Variants in XXYLT1 observed in about 807,000 individuals in gnomAD.
XXYLT1 encodes UDP-xylose:alpha-xyloside alpha-1,3-xylosyltransferase.
In XXYLT1, 20 loss-of-function variants were observed where a neutral mutation model predicts 28.9. The ratio of observed to expected loss-of-function variants is 0.69; its 90% CI spans 0.49 to 1.00. The LOEUF is 1.00. Among genes scored for constraint, XXYLT1 ranks in the 50% least tolerant of loss-of-function variants. The pLI is 0.00. For missense variants in XXYLT1, 542 were observed against 560.1 expected (o/e 0.97, Z 0.33); for synonymous variants, 257 against 253.8 (o/e 1.01, Z -0.12).
At chr3:195,270,515 T>C in intron 1 of XXYLT1, 40 bp downstream of exon 1, 1 of 1,359,052 alleles carries the variant, frequency 7.4e-7, no homozygotes, top group Non-Finnish European at 9.4e-7. Context: ...TAGGATGGGG[T>C]GGGCCACCCA....
Position 195,114,375 on chromosome 3 carries a change from G to T in XXYLT1, c.785+42074C>A, listed in dbSNP as rs750345883. 6.0e-4 allele frequency among the ~76,000 whole-genome samples: 92 copies of T among 152,298 alleles called. No individual in the cohort carries two copies. The Middle Eastern group carries it at 0.01, about 17-fold the overall frequency. On this transcript the variant is annotated intron_variant, in intron 3 of 3. Transcript: ENST00000310380. ...ACTGCCTGGAGAGCCGGGAGACACGGAGCATCACCTTCCACCTGCGTTGAG... is the reference window on the plus strand; with the variant it reads ...ACTGCCTGGAGAGCCGGGAGACACGTAGCATCACCTTCCACCTGCGTTGAG...
chr3:195,110,332 T>TCTGTACGTG (rs1717527624), intron 3 of XXYLT1, among the ~76,000 whole-genome samples: 2 of 8,282 alleles, frequency 2.4e-4, no homozygotes. Flanking sequence ...GGGTGAGGTG[T>TCTGTACGTG]GTGTATGTGT....
intron 2 of XXYLT1, 25 bp from the exon 3 acceptor site, chr3:195,156,606 G>A: frequency 6.2e-6 from 10 of 1,613,302 alleles, no homozygotes; most frequent in Non-Finnish European, 7.6e-6. Flanking sequence ...AAAGGACAAT[G>A]AGACACAGGT....
At chr3:195,103,464 C>CCA in intron 3 of XXYLT1, among the ~76,000 whole-genome samples, 2 of 152,288 alleles carry the variant, frequency 1.3e-5, no homozygotes, top group East Asian at 1.9e-4. Flanking sequence ...GCGTCCATCT[C>CCA]TTCTGCATTT....
At chr3:195,141,883 A>G (rs1331632044) in intron 3 of XXYLT1, among the ~76,000 whole-genome samples, 1 of 152,246 alleles carries the variant, frequency 6.6e-6, no homozygotes, top group African/African-American at 2.4e-5. Flanking sequence ...CACTCACTCC[A>G]TGGCTAATGC....
At chr3:195,239,285 T>C (rs1160473915) in intron 1 of XXYLT1, among the ~76,000 whole-genome samples, 3 of 152,150 alleles carry the variant, frequency 2.0e-5, no homozygotes, top group African/African-American at 7.2e-5. Flanking sequence ...GCACCTGTCA[T>C]ACTCTGGGGT....
intron 3 of XXYLT1, among the ~76,000 whole-genome samples, chr3:195,122,944 G>A (rs77359906): frequency 0.034 from 5,201 of 152,198 alleles, 132 homozygotes; most frequent in Middle Eastern, 0.12. Flanking sequence ...CCAGGAGCCC[G>A]GGCACTGGCC....
chr3:195,099,035 C>T (rs1200305235), intron 3 of XXYLT1, among the ~76,000 whole-genome samples: 1 of 152,180 alleles, frequency 6.6e-6, no homozygotes, highest in African/African-American at 2.4e-5. Flanking sequence ...TATTTACTTT[C>T]CAAAGCTGTG....
Position 195,168,305 on chromosome 3 carries a change from C to T in XXYLT1, c.653-11724G>A, listed in dbSNP as rs1721229332. Among the ~76,000 whole-genome samples the T allele has an allele frequency of 6.6e-6, 1 of 152,138 alleles. No individual in the cohort carries two copies. The highest frequency in any genetic ancestry group is 6.5e-5 in the Admixed American group (1 of 15,282). On this transcript the variant is annotated intron_variant, in intron 2 of 3. Coordinates refer to ENST00000310380, the MANE Select transcript of XXYLT1 (RefSeq NM_152531.5). The surrounding 1 kb of genome is among the most constrained non-coding windows in gnomAD (Gnocchi z 4.3). ...TACCTTGTTTGTTCTCAGAACAGCA[C>T]AAATATATCATCAGACACAGGAGAT...
intron 1 of XXYLT1, among the ~76,000 whole-genome samples, chr3:195,261,007 G>C (rs1725680932): frequency 6.6e-6 from 1 of 152,254 alleles, no homozygotes; most frequent in Non-Finnish European, 1.5e-5. Flanking sequence ...AGAGCTGCTA[G>C]CGGGGTCCTG....
At chr3:195,084,478 C>A (rs1298833551) in intron 3 of XXYLT1, among the ~76,000 whole-genome samples, 2 of 152,176 alleles carry the variant, frequency 1.3e-5, no homozygotes, top group Non-Finnish European at 2.9e-5. Context: ...TAAAGTCCAC[C>A]CTCGCTAGGG....
At position 195,068,525 on chromosome 3, in the gene XXYLT1, G is replaced by A. The variant is rs1714627585; in HGVS notation, c.*1190C>T. ...GAAACTAGAATGCTTACTAGCCCAT[G>A]AGTGACATGTCTTCCAAGCCCACAT... is the stretch of plus-strand genomic sequence containing the variant. On this transcript the variant is annotated 3_prime_UTR_variant, in exon 4 of 4. Coordinates refer to ENST00000310380, the MANE Select transcript of XXYLT1 (RefSeq NM_152531.5). 2 of 151,748 alleles carry A rather than the reference G, an allele frequency of 1.3e-5. No individual in the cohort carries two copies. Among genetic ancestry groups the A allele is most frequent in the Non-Finnish European group, 2.9e-5 (2 of 68,000 alleles). The allele number at this position is 151,748 out of a possible 1,614,324, so 9.4% of individuals were successfully genotyped here.
Position 195,070,055 on chromosome 3 carries a change from G to A in XXYLT1, c.842C>T (p.Pro281Leu), listed in dbSNP as rs774272614. The A allele has an allele frequency of 4.3e-5, 68 of 1,596,988 alleles. No homozygotes were observed. The highest frequency in any genetic ancestry group is 5.4e-5 in the Non-Finnish European group (64 of 1,178,252). The change falls in exon 4 of 4, where the codon CCC (proline) becomes CTC (leucine). Residue 281 changes from proline (P) to leucine (L), a missense_variant. By Grantham distance (98) the Pro-to-Leu change is moderately conservative (BLOSUM62 -3). Transcript: ENST00000310380. ...ENPQTRVGGP[P>L]PEGLPGFNSG... The stretch of plus-strand genomic sequence containing the variant: ...GTTGAAGCCCGGCAGCCCCTCGGGG[G>A]GCGGGCCCCCAACCCGGGTCTGGGG...
At chr3:195,099,194 C>T (rs1238454121) in intron 3 of XXYLT1, among the ~76,000 whole-genome samples, 1 of 152,208 alleles carries the variant, frequency 6.6e-6, no homozygotes, top group Non-Finnish European at 1.5e-5. Context: ...CCTCTCCCTT[C>T]CCAAGAGATT....
At chr3:195,199,670 A>G (rs987730853) in intron 2 of XXYLT1, among the ~76,000 whole-genome samples, 6 of 152,180 alleles carry the variant, frequency 3.9e-5, no homozygotes, top group African/African-American at 1.4e-4. Context: ...AAGGAGTCTC[A>G]TAGGGGTTAT....
chr3:195,246,820 T>A (rs1351458224), intron 1 of XXYLT1, among the ~76,000 whole-genome samples: 2 of 152,140 alleles, frequency 1.3e-5, no homozygotes, highest in Admixed American at 6.5e-5. Context: ...AAATCCAGGA[T>A]TTCTTTAACA....
chr3:195,250,838 C>A (rs1202305368), intron 1 of XXYLT1, among the ~76,000 whole-genome samples: 3 of 152,208 alleles, frequency 2.0e-5, no homozygotes, highest in Non-Finnish European at 2.9e-5. Flanking sequence ...CTCTTCTGTT[C>A]ATTGATACAC....
intron 3 of XXYLT1, among the ~76,000 whole-genome samples, chr3:195,126,321 G>A (rs1311782898): frequency 6.6e-6 from 1 of 152,224 alleles, no homozygotes; most frequent in Non-Finnish European, 1.5e-5. Flanking sequence ...CCTCTTTGGC[G>A]CTGTCCTGGC....
At chr3:195,119,616 G>T (rs565078052) in intron 3 of XXYLT1, among the ~76,000 whole-genome samples, 1 of 152,128 alleles carries the variant, frequency 6.6e-6, no homozygotes, top group Admixed American at 6.5e-5. Flanking sequence ...ACAATGAAGC[G>T]ATGGCTGGAG....
Sources: allele counts gnomAD v4.1 joint callset (sites outside exome capture counted in the v4.1 genomes callset), GRCh38; gene constraint gnomAD v4.1.1; non-coding constraint Gnocchi (gnomAD v3.1); transcripts MANE v1.5; gene names NCBI Gene and HGNC (gene_info 2026-07-23, HGNC 2026-07-21).